PGAP1: variants seen among roughly 807,000 people sequenced by gnomAD.
PGAP1 encodes post-GPI attachment to proteins inositol deacylase 1.
Under a neutral mutation model 127.0 loss-of-function variants are expected in PGAP1, and 76 were observed. The observed-to-expected ratio is 0.60, with a 90% CI of 0.50 to 0.72. The LOEUF (loss-of-function observed/expected upper bound fraction) is 0.72, where lower values mean the gene tolerates loss of function less well. PGAP1 is among the 30% of genes least tolerant of loss of function. The pLI is 0.00. For synonymous variants in PGAP1, 362 were observed against 366.5 expected (o/e 0.99, Z 0.14); for missense variants, 982 against 1,071.3 (o/e 0.92, Z 1.16).
chr2:196,870,215 T>C (rs1460553172), intron 19 of PGAP1, among the ~76,000 whole-genome samples: 3 of 152,200 alleles, frequency 2.0e-5, no homozygotes, highest in African/African-American at 4.8e-5. Context: ...AAAACATTCA[T>C]TTATATGGCA....
intron 20 of PGAP1, among the ~76,000 whole-genome samples, chr2:196,855,760 T>A (rs1411403224): frequency 1.3e-5 from 2 of 152,180 alleles, no homozygotes; most frequent in African/African-American, 4.8e-5. Flanking sequence ...TATGGCCGTA[T>A]GATTTTTTTT....
intron 13 of PGAP1, chr2:196,877,692 G>A (rs1701609021): frequency 6.6e-6 from 1 of 152,092 alleles, no homozygotes; most frequent in Non-Finnish European, 1.5e-5. Flanking sequence ...TTTAGTCATT[G>A]AGATGACTCC....
intron 2 of PGAP1, among the ~76,000 whole-genome samples, chr2:196,918,114 G>A (rs1386724866): frequency 6.6e-6 from 1 of 151,982 alleles, no homozygotes; most frequent in Non-Finnish European, 1.5e-5. Flanking sequence ...TTCCATTCTT[G>A]CCCTTCAAAG....
intron 25 of PGAP1, among the ~76,000 whole-genome samples, 167 bp downstream of exon 25, chr2:196,843,721 C>T (rs1163228134): frequency 1.3e-5 from 2 of 151,880 alleles, no homozygotes; most frequent in East Asian, 3.9e-4. Flanking sequence ...AAGCGGGACT[C>T]CATCTCAAAA....
chr2:196,911,971 C>T (rs1324396062), intron 4 of PGAP1, among the ~76,000 whole-genome samples: 1 of 152,148 alleles, frequency 6.6e-6, no homozygotes, highest in East Asian at 1.9e-4. Flanking sequence ...AGCCCAGAAG[C>T]AATTTTGCCA....
intron 20 of PGAP1, among the ~76,000 whole-genome samples, chr2:196,850,204 G>A (rs547187959): frequency 6.6e-6 from 1 of 152,116 alleles, no homozygotes; most frequent in Non-Finnish European, 1.5e-5. Flanking sequence ...AGTACCAGCT[G>A]GCTCTGTTAC....
In PGAP1 at chr2:196,926,693, A is replaced by G. The variant is rs1272752800; in HGVS notation, c.-77T>C. On this transcript the variant is annotated 5_prime_UTR_variant, in exon 1 of 27. Coordinates refer to ENST00000354764, the MANE Select transcript of PGAP1 (RefSeq NM_024989.4). ...GCCGCGGGGCCCCAAGCCCGGACTG[A>G]GCGTGCTAGACACTGTCCGACCGCC... is the stretch of plus-strand genomic sequence containing the variant. 5.2e-5 allele frequency: 83 copies of G among 1,597,670 alleles called. No homozygotes were observed. Among genetic ancestry groups the G allele is most frequent in the Non-Finnish European group, 5.7e-5 (67 of 1,171,310 alleles).
chr2:196,925,217 T>G (rs1044555638), intron 1 of PGAP1, among the ~76,000 whole-genome samples: 3 of 152,130 alleles, frequency 2.0e-5, no homozygotes, highest in African/African-American at 7.2e-5. Flanking sequence ...TTTACTAGAA[T>G]TTTTCCCATG....
At chr2:196,924,651 G>C (rs1703311768) in intron 1 of PGAP1, among the ~76,000 whole-genome samples, 1 of 152,090 alleles carries the variant, frequency 6.6e-6, no homozygotes, top group Admixed American at 6.5e-5. Context: ...ATTATTAATA[G>C]AAGTGTAAAA....
intron 20 of PGAP1, among the ~76,000 whole-genome samples, chr2:196,852,322 A>G: frequency 6.6e-6 from 1 of 152,136 alleles, no homozygotes; most frequent in East Asian, 1.9e-4. Flanking sequence ...ATGAGTACTC[A>G]TACAAATTAT....
At position 196,902,540 on chromosome 2, in the gene PGAP1, G is replaced by A. The variant is rs1193980046; in HGVS notation, c.807+45C>T. 2.0e-6 allele frequency: 3 copies of A among 1,484,040 alleles called. 1 individual carries two copies. The highest frequency in any genetic ancestry group is 2.5e-5 in the South Asian group (2 of 81,348). 91.9% of individuals were successfully genotyped at this position (1,484,040 alleles called of 1,614,324 possible). A position where few individuals can be genotyped will look rare whatever the true frequency, so the allele number is the denominator to read the frequency against. ...TTATTTCTTCTTTCATGCTCCACTG[G>A]GTCTATTACATTACTATTTCAATAG... On this transcript the variant is annotated intron_variant, in intron 5 of 26. Coordinates refer to ENST00000354764, the MANE Select transcript of PGAP1 (RefSeq NM_024989.4).
rs954874330 is a variant in PGAP1, at chr2:196,877,480, T to G, written c.1351-1659A>C. On this transcript the variant is annotated intron_variant, in intron 13 of 26. Transcript: ENST00000354764. ...TATTTATTAGGCTGCTAAGACTGTC[T>G]ATTTGCAGAAAGACTCATCAATTTC... The G allele has an allele frequency of 2.0e-5, 3 of 152,156 alleles. No homozygotes were observed. In the South Asian group the frequency reaches 6.2e-4, roughly 31 times the overall value. The allele number at this position is 152,156 out of a possible 1,614,324, so 9.4% of individuals were successfully genotyped here.
rs1700334922 is a variant in PGAP1, at chr2:196,839,255, G to A, written c.*1979C>T. On this transcript the variant is annotated 3_prime_UTR_variant, in exon 27 of 27. Transcript: ENST00000354764. ...AAGTCCAAATTCAGAAATAGTTTAA[G>A]GACACATGTAATCTGTAACTTGAGA... is the stretch of plus-strand genomic sequence containing the variant. 1.3e-5 allele frequency: 2 copies of A among 152,554 alleles called. No homozygotes were observed. Among genetic ancestry groups the A allele is most frequent in the Admixed American group, 1.3e-4 (2 of 15,278 alleles). 9.5% of individuals were successfully genotyped at this position (152,554 alleles called of 1,614,324 possible).
intron 13 of PGAP1, among the ~76,000 whole-genome samples, chr2:196,876,541 G>A (rs454739): frequency 6.6e-6 from 1 of 151,978 alleles, no homozygotes; most frequent in Non-Finnish European, 1.5e-5. Flanking sequence ...TCACTTATCT[G>A]CAAGAACTGT....
chr2:196,849,475 C>T (rs1026173892), intron 20 of PGAP1, among the ~76,000 whole-genome samples: 19 of 150,882 alleles, frequency 1.3e-4, no homozygotes, highest in South Asian at 8.4e-4. Flanking sequence ...GGGGTTTCAC[C>T]GTGTTAGCTA....
chr2:196,878,176 A>G (rs1701622771), intron 13 of PGAP1, among the ~76,000 whole-genome samples: 1 of 152,176 alleles, frequency 6.6e-6, no homozygotes, highest in Admixed American at 6.5e-5. Flanking sequence ...TCCCTCATCC[A>G]AAATGCATGG....
intron 3 of PGAP1, among the ~76,000 whole-genome samples, chr2:196,914,509 T>C (rs1474469190): frequency 6.6e-6 from 1 of 152,110 alleles, no homozygotes; most frequent in East Asian, 1.9e-4. Flanking sequence ...TAGTCCCAGT[T>C]ACTCAGGAGG....
intron 20 of PGAP1, among the ~76,000 whole-genome samples, chr2:196,859,385 C>CA (rs1158877543): frequency 6.6e-6 from 1 of 151,970 alleles, no homozygotes; most frequent in Non-Finnish European, 1.5e-5. Flanking sequence ...AGTCTCCCAT[C>CA]AAAAACAAGC....
chr2:196,842,815 T>G lies in PGAP1; in HGVS notation c.2536A>C (p.Lys846Gln), dbSNP rs1700451124. 6.7e-7 allele frequency: 1 copy of G among 1,501,880 alleles called. No homozygotes were observed. The highest frequency in any genetic ancestry group is 9.1e-7 in the Non-Finnish European group (1 of 1,098,812). 93.0% of individuals were successfully genotyped at this position (1,501,880 alleles called of 1,614,324 possible). A position where few individuals can be genotyped will look rare whatever the true frequency, so the allele number is the denominator to read the frequency against. ...YWLKNLRYYF[K>Q]LNPDPCKPLA... ...GGTTTACATGGATCAGGATTAAGTT[T>G]AAAATAATACCTATAATATTAAAAA... Residue 846 changes from lysine to glutamine, a missense_variant, in exon 26 of 27, where the codon AAA becomes CAA. Coordinates refer to ENST00000354764, the MANE Select transcript of PGAP1 (RefSeq NM_024989.4).
Sources: allele counts gnomAD v4.1 joint callset (sites outside exome capture counted in the v4.1 genomes callset), GRCh38; gene constraint gnomAD v4.1.1; transcripts MANE v1.5; gene names NCBI Gene and HGNC (gene_info 2026-07-23, HGNC 2026-07-21).